DNAJC12: variants seen among roughly 807,000 people sequenced by gnomAD.
DNAJC12 encodes DnaJ heat shock protein family (Hsp40) member C12, also known as dnaJ homolog subfamily C member 12.
In DNAJC12, 25 loss-of-function variants were observed where a neutral mutation model predicts 28.5. The ratio of observed to expected loss-of-function variants is 0.88; its 90% confidence interval spans 0.64 to 1.22. DNAJC12 has a LOEUF of 1.22. Ranked by LOEUF, DNAJC12 falls within the 50% of genes most tolerant of loss-of-function variation. The probability of loss-of-function intolerance (pLI) is 0.00; values close to 1 mark genes in which losing one functional copy is unlikely to be tolerated. For missense variants in DNAJC12, 222 were observed against 231.7 expected, an observed-to-expected ratio of 0.96 and a Z score of 0.27; for synonymous variants, 77 against 80.6, an observed-to-expected ratio of 0.95 and a Z score of 0.24.
chr10:67,808,583 A>C (rs1247438185), intron 3 of DNAJC12: 1 of 152,112 alleles, frequency 6.6e-6, no homozygotes, highest in African/African-American at 2.4e-5. Context: ...GACAACAGGC[A>C]CGTTCGCGAA....
intron 1 of DNAJC12, among the ~76,000 whole-genome samples, chr10:67,835,691 A>G (rs1044463530): frequency 6.9e-6 from 1 of 144,368 alleles, no homozygotes; most frequent in African/African-American, 2.6e-5. Flanking sequence ...TCCATCTCAA[A>G]AAAACAAAAA....
At chr10:67,816,162 C>A (rs1841914008) in intron 2 of DNAJC12, 1 of 397,964 alleles carries the variant, frequency 2.5e-6, no homozygotes, top group East Asian at 3.6e-5. Flanking sequence ...ATTTTAAATT[C>A]ATATTTTGCA....
intron 1 of DNAJC12, among the ~76,000 whole-genome samples, chr10:67,836,782 TAAAAC>T (rs1175178046): frequency 6.6e-6 from 1 of 152,064 alleles, no homozygotes; most frequent in Non-Finnish European, 1.5e-5. Context: ...ATTCTATTCT[TAAAAC>T]AAAACTAAGC....
chr10:67,810,481 G>A (rs560126257), intron 3 of DNAJC12, among the ~76,000 whole-genome samples: 14 of 152,270 alleles, frequency 9.2e-5, no homozygotes, highest in East Asian at 5.8e-4. Flanking sequence ...AAAGTACACC[G>A]TGATTTGTCC....
At chr10:67,831,482 T>C (rs766552043) in intron 1 of DNAJC12, among the ~76,000 whole-genome samples, 1 of 152,174 alleles carries the variant, frequency 6.6e-6, no homozygotes, top group Non-Finnish European at 1.5e-5. Context: ...TGGAGACTAA[T>C]CCAATTCCCA....
intron 3 of DNAJC12, among the ~76,000 whole-genome samples, chr10:67,808,863 G>C (rs1443204179): frequency 6.6e-6 from 1 of 152,184 alleles, no homozygotes; most frequent in African/African-American, 2.4e-5. Context: ...ACCAGCAGAA[G>C]GTGTTGAATT....
chr10:67,803,352 T>G (rs891798041), intron 4 of DNAJC12, among the ~76,000 whole-genome samples: 2 of 152,106 alleles, frequency 1.3e-5, no homozygotes, highest in Non-Finnish European at 1.5e-5. Flanking sequence ...CTTTTAAAGC[T>G]CTCATAAGTG....
At chr10:67,828,697 T>C (rs1300671254) in intron 1 of DNAJC12, among the ~76,000 whole-genome samples, 4 of 151,416 alleles carry the variant, frequency 2.6e-5, no homozygotes, top group African/African-American at 9.7e-5. Context: ...TATACACACA[T>C]ATATATGAAG....
At chr10:67,834,126 T>C (rs1842120199) in intron 1 of DNAJC12, 7 of 437,042 alleles carry the variant, frequency 1.6e-5, no homozygotes, top group South Asian at 8.7e-5. Flanking sequence ...TTTTAGTTTA[T>C]GTATATGAGT....
chr10:67,801,487 C>G (rs114751565), intron 4 of DNAJC12, among the ~76,000 whole-genome samples: 3,455 of 152,202 alleles, frequency 0.023, 137 homozygotes, highest in African/African-American at 0.079. Context: ...CCAACAACAG[C>G]TTTTTAGAAC....
chr10:67,797,082 C>G lies in DNAJC12; in HGVS notation c.*34G>C. The stretch of plus-strand genomic sequence containing the variant: ...GCATGTTGGCAGCATAGGGGACAGT[C>G]TTGCTCTTCCTCATTTTTTGAAGCA... On this transcript the variant is annotated 3_prime_UTR_variant, in exon 5 of 5. Transcript: ENST00000225171. The G allele has an allele frequency of 6.4e-7, 1 of 1,566,006 alleles. No individual in the cohort carries two copies. The highest frequency in any genetic ancestry group is 8.8e-7 in the Non-Finnish European group (1 of 1,138,546).
intron 4 of DNAJC12, among the ~76,000 whole-genome samples, chr10:67,804,305 T>G (rs74686885): frequency 0.023 from 3,453 of 152,290 alleles, 138 homozygotes; most frequent in African/African-American, 0.079. Context: ...TAAGCATTTT[T>G]TATGTATCTC....
At position 67,818,979 on chromosome 10, in the gene DNAJC12, G is replaced by C. The variant is rs1318661113; in HGVS notation, c.157+4335C>G. ...CTAAATTTTTATAATTTTATGCTAG[G>C]ACACCTATCTTAATATTAACTCCAG... On this transcript the variant is annotated intron_variant, in intron 2 of 4. Coordinates refer to ENST00000225171, the MANE Select transcript of DNAJC12 (RefSeq NM_021800.3). Among the ~76,000 whole-genome samples the C allele has an allele frequency of 2.0e-5, 3 of 152,062 alleles. No individual in the cohort carries two copies. In the East Asian group the frequency reaches 5.8e-4, roughly 29 times the overall value.
intron 4 of DNAJC12, among the ~76,000 whole-genome samples, chr10:67,804,220 G>T (rs955630094): frequency 2.0e-5 from 3 of 151,796 alleles, no homozygotes; most frequent in African/African-American, 7.3e-5. Flanking sequence ...TGGCTAGATA[G>T]ATAGCCAGCC....
Position 67,811,567 on chromosome 10 carries a change from A to G in DNAJC12, c.254T>C (p.Met85Thr). ...CAAAGCTTCCCACTGCTGGAATGGC[A>G]TCGACATCTGGCTCCTTCGCCAGTG... ...YDHWRRSQMS[M>T]PFQQWEALND... is the part of the protein sequence containing the mutation. The change falls in exon 3 of 5, where the codon ATG (methionine) becomes ACG (threonine). Residue 85 changes from methionine to threonine, a missense_variant. Met to Thr is a moderately conservative substitution (Grantham distance 81). Coordinates refer to ENST00000225171, the MANE Select transcript of DNAJC12 (RefSeq NM_021800.3). The G allele has an allele frequency of 6.2e-7, 1 of 1,614,216 alleles. No individual in the cohort carries two copies. Among genetic ancestry groups the G allele is most frequent in the Non-Finnish European group, 8.5e-7 (1 of 1,180,034 alleles).
chr10:67,820,115 G>A (rs1048840153), intron 2 of DNAJC12, among the ~76,000 whole-genome samples: 7 of 152,206 alleles, frequency 4.6e-5, no homozygotes, highest in African/African-American at 1.7e-4. Flanking sequence ...GTGAACCATG[G>A]AGTGTTTCAG....
At chr10:67,817,739 G>A (rs1841930247) in intron 2 of DNAJC12, among the ~76,000 whole-genome samples, 3 of 150,510 alleles carry the variant, frequency 2.0e-5, no homozygotes, top group African/African-American at 7.3e-5. Context: ...TCAGCTGGGC[G>A]TGGTGGCACA....
chr10:67,806,093 C>A (rs1198008900), intron 3 of DNAJC12, among the ~76,000 whole-genome samples: 2 of 152,130 alleles, frequency 1.3e-5, no homozygotes, highest in Non-Finnish European at 2.9e-5. Flanking sequence ...GATGAACTAA[C>A]AAATGAATAC....
chr10:67,800,712 G>A lies in DNAJC12; in HGVS notation c.503-3502C>T, dbSNP rs185831123. 4.2e-4 allele frequency among the ~76,000 whole-genome samples: 64 copies of A among 152,216 alleles called. 1 individual carries two copies. The highest frequency in any genetic ancestry group is 2.4e-3 in the Admixed American group (37 of 15,284). On this transcript the variant is annotated intron_variant, in intron 4 of 4. Transcript: ENST00000225171. ...TGTAATCCCAGTGCTTTGGTGGGCC[G>A]AGGTGGGCAGATCACGAGGTCAGGA... is the stretch of plus-strand genomic sequence containing the variant.
Sources: allele counts gnomAD v4.1 joint callset (sites outside exome capture counted in the v4.1 genomes callset), GRCh38; gene constraint gnomAD v4.1.1; transcripts MANE v1.5; gene names NCBI Gene and HGNC (gene_info 2026-07-23, HGNC 2026-07-21).